USP30: variants seen among roughly 807,000 people sequenced by gnomAD.
USP30 encodes ubiquitin specific peptidase 30.
Under a neutral mutation model 68.2 loss-of-function variants are expected in USP30, and 41 were observed. The ratio of observed to expected loss-of-function variants is 0.60; its 90% CI spans 0.47 to 0.78. The LOEUF (loss-of-function observed/expected upper bound fraction) is 0.78, where lower values mean the gene tolerates loss of function less well. Ranked by LOEUF, USP30 falls within the 30% of genes least tolerant of loss-of-function variation. USP30 has a pLI of 0.00. For synonymous variants in USP30, 229 were observed against 253.7 expected, an observed-to-expected ratio of 0.90 and a Z score of 0.93; for missense variants, 522 against 649.4, an observed-to-expected ratio of 0.80 and a Z score of 2.13.
At chr12:109,032,318 C>T (rs985433968) in intron 3 of USP30, among the ~76,000 whole-genome samples, 4 of 151,896 alleles carry the variant, frequency 2.6e-5, no homozygotes, top group Non-Finnish European at 5.9e-5. Flanking sequence ...AAAATAAATG[C>T]TCTATGCAAA....
intron 7 of USP30, among the ~76,000 whole-genome samples, chr12:109,078,090 G>A (rs1160424139): frequency 6.6e-6 from 1 of 152,036 alleles, no homozygotes; most frequent in African/African-American, 2.4e-5. Context: ...CAGTAGTTCT[G>A]TTCTTAACTT....
chr12:109,025,416 A>G (rs1454634680), intron 2 of USP30, among the ~76,000 whole-genome samples: 1 of 152,036 alleles, frequency 6.6e-6, no homozygotes, highest in Non-Finnish European at 1.5e-5. Flanking sequence ...TACAGTGCTT[A>G]TCATTATGTT....
At chr12:109,050,260 C>T (rs1169420390), upstream of USP30, among the ~76,000 whole-genome samples, 2 of 152,192 alleles carry the variant, frequency 1.3e-5, no homozygotes, top group African/African-American at 4.8e-5. Flanking sequence ...CGCCACTGCA[C>T]TCCAGCCTGG....
intron 9 of USP30, 109 bp downstream of exon 9, chr12:109,082,128 C>CA: frequency 8.8e-7 from 1 of 1,134,356 alleles, no homozygotes. Flanking sequence ...TGGGTCTTTT[C>CA]AGCCACTTCT....
At chr12:109,023,237 A>G (rs1483914141) in intron 1 of USP30, 1 of 152,144 alleles carries the variant, frequency 6.6e-6, no homozygotes, top group Non-Finnish European at 1.5e-5. Context: ...CTCTATGAAT[A>G]TTCATTATGC....
intron 3 of USP30, among the ~76,000 whole-genome samples, chr12:109,041,531 A>G (rs1230787685): frequency 6.6e-6 from 1 of 151,970 alleles, no homozygotes; most frequent in East Asian, 1.9e-4. Flanking sequence ...CCTATTCCAG[A>G]GGCTGAGGCA....
intron 2 of USP30, among the ~76,000 whole-genome samples, chr12:109,057,108 T>C (rs2040901373): frequency 6.6e-6 from 1 of 152,204 alleles, no homozygotes; most frequent in Admixed American, 6.5e-5. Flanking sequence ...GACTGACCAA[T>C]TACATCATAC....
intron 1 of USP30, chr12:109,053,649 C>T (rs572910537): frequency 4.5e-5 from 8 of 179,532 alleles, no homozygotes; most frequent in Non-Finnish European, 9.5e-5. Flanking sequence ...TCCAGTGCCC[C>T]CATTCCGTAG....
chr12:109,055,829 A>AG (rs201356936), intron 1 of USP30, among the ~76,000 whole-genome samples: 5 of 151,108 alleles, frequency 3.3e-5, no homozygotes, highest in Non-Finnish European at 5.9e-5. Flanking sequence ...AAAAAAAAAA[A>AG]GAAAAGAAAA....
intron 3 of USP30, among the ~76,000 whole-genome samples, chr12:109,030,710 A>G (rs1359573133): frequency 1.3e-5 from 2 of 152,156 alleles, no homozygotes; most frequent in Non-Finnish European, 2.9e-5. Context: ...TCTGCCTCCC[A>G]GGTTCAAGCA....
Position 109,064,864 on chromosome 12 carries a change from G to T in USP30, c.377-2660G>T, listed in dbSNP as rs566125943. On this transcript the variant is annotated intron_variant, in intron 3 of 12. Coordinates refer to ENST00000257548, the MANE Select transcript of USP30 (RefSeq NM_032663.5). ...GGAGGCATTAAAATTTTCCTTTGGG[G>T]GGTAGTTGGTGGGGGGAGCTAACAG... is the stretch of plus-strand genomic sequence containing the variant. 2.0e-5 allele frequency among the ~76,000 whole-genome samples: 3 copies of T among 151,888 alleles called. No individual in the cohort carries two copies. In the South Asian group the frequency reaches 6.3e-4, roughly 32 times the overall value.
chr12:109,071,770 G>T, intron 5 of USP30, 60 bp downstream of exon 5: 1 of 1,446,634 alleles, frequency 6.9e-7, no homozygotes. Context: ...ATAAGTATAG[G>T]GGAGGCAAGT....
chr12:109,079,571 G>A (rs867306367), intron 7 of USP30, among the ~76,000 whole-genome samples: 2 of 151,436 alleles, frequency 1.3e-5, no homozygotes, highest in African/African-American at 4.9e-5. Flanking sequence ...TCACTGTGTT[G>A]CTCAGGTTGG....
chr12:109,042,707 C>A (rs1268319942), intron 3 of USP30, among the ~76,000 whole-genome samples: 1 of 152,160 alleles, frequency 6.6e-6, no homozygotes, highest in East Asian at 1.9e-4. Flanking sequence ...AGGATGCTTG[C>A]TTTCACAACT....
intron 3 of USP30, among the ~76,000 whole-genome samples, chr12:109,032,135 C>T (rs1181972583): frequency 2.0e-5 from 3 of 150,266 alleles, no homozygotes; most frequent in African/African-American, 4.9e-5. Flanking sequence ...TGGTGAAACC[C>T]GTCTCTACAA....
chr12:109,046,757 T>G (rs1593227136), intron 3 of USP30, among the ~76,000 whole-genome samples: 1 of 151,996 alleles, frequency 6.6e-6, no homozygotes, highest in Non-Finnish European at 1.5e-5. Context: ...AGTGCAGTAG[T>G]GCGATCTTGG....
chr12:109,050,033 C>T (rs572431098), upstream of USP30, among the ~76,000 whole-genome samples: 18 of 152,260 alleles, frequency 1.2e-4, no homozygotes, highest in Admixed American at 1.2e-3. Context: ...CGGTGGCTCA[C>T]ACCTGTAATC....
rs12312381 is a variant in USP30 at position 109,023,711 on chromosome 12, G to A, written c.-498+544G>A. 2.7e-3 allele frequency among the ~76,000 whole-genome samples: 357 copies of A among 130,272 alleles called. 2 individuals carry two copies. The highest frequency in any genetic ancestry group is 8.6e-3 in the African/African-American group (302 of 35,102). 85.5% of individuals were successfully genotyped at this position (130,272 alleles called of 152,430 possible). A position where few individuals can be genotyped will look rare whatever the true frequency, so the allele number is the denominator to read the frequency against. Reference sequence around the variant, plus strand: ...TGCAATGGCGCAATCTCGGCTCACTGCTACCTCCACCTCCCGGATTCAAGC... The same window carrying A: ...TGCAATGGCGCAATCTCGGCTCACTACTACCTCCACCTCCCGGATTCAAGC... On this transcript the variant is annotated intron_variant, in intron 1 of 15. Coordinates refer to the USP30 transcript ENST00000392784.
Position 109,085,316 on chromosome 12 carries a change from T to A in USP30, c.1289+243T>A, listed in dbSNP as rs142694522. Among the ~76,000 whole-genome samples, 114 of 152,332 alleles carry A rather than the reference T, an allele frequency of 7.5e-4. 4 individuals carry two copies. The East Asian group carries it at 0.02, about 27-fold the overall frequency. Reference sequence around the variant, plus strand: ...ATGTGTGTATATATGTGTGTATGTATAAAATATAAAGAAAATTTAAAATTT... The same window carrying A: ...ATGTGTGTATATATGTGTGTATGTAAAAAATATAAAGAAAATTTAAAATTT... On this transcript the variant is annotated intron_variant, in intron 12 of 12. Transcript: ENST00000257548.
Sources: allele counts gnomAD v4.1 joint callset (sites outside exome capture counted in the v4.1 genomes callset), GRCh38; gene constraint gnomAD v4.1.1; transcripts MANE v1.5; gene names NCBI Gene and HGNC (gene_info 2026-07-23, HGNC 2026-07-21).